The following ABI1 variants were observed in gnomAD, a reference collection of about 807,000 sequenced individuals.
The protein encoded by ABI1 is Abelson interactor 1.
A neutral mutation model predicts 54.6 loss-of-function variants in ABI1; 14 were observed. That is an observed-to-expected ratio of 0.26 (90% confidence interval 0.17 to 0.40). The LOEUF (loss-of-function observed/expected upper bound fraction) is 0.40, where lower values mean the gene tolerates loss of function less well. Ranked by LOEUF, ABI1 falls within the 10% of genes least tolerant of loss-of-function variation. The pLI is 1.00. For synonymous variants in ABI1, 194 were observed against 209.3 expected, an observed-to-expected ratio of 0.93 and a Z score of 0.63; for missense variants, 443 against 598.3, an observed-to-expected ratio of 0.74 and a Z score of 2.71.
At chr10:26,801,577 C>A (rs1430033623) in intron 2 of ABI1, among the ~76,000 whole-genome samples, 1 of 151,926 alleles carries the variant, frequency 6.6e-6, no homozygotes, top group Non-Finnish European at 1.5e-5. Context: ...AAAATACACA[C>A]TACAGTATTT....
chr10:26,790,867 G>C (rs774403931), intron 2 of ABI1, among the ~76,000 whole-genome samples: 2 of 151,914 alleles, frequency 1.3e-5, no homozygotes, highest in Admixed American at 1.3e-4. Context: ...CCAGGAATTC[G>C]AGACTAGCCT....
intron 1 of ABI1, among the ~76,000 whole-genome samples, chr10:26,848,993 A>G (rs1173913421): frequency 6.6e-6 from 1 of 152,202 alleles, no homozygotes; most frequent in Non-Finnish European, 1.5e-5. Context: ...ATAGTAGTAT[A>G]CAATGATATT....
intron 7 of ABI1, among the ~76,000 whole-genome samples, chr10:26,764,421 A>G (rs1001599482): frequency 1.1e-4 from 17 of 152,204 alleles, no homozygotes; most frequent in African/African-American, 3.9e-4. Context: ...AATATCATAG[A>G]TAAATGTAGT....
At chr10:26,755,839 A>G in intron 8 of ABI1, 98 bp from the exon 9 acceptor site, 1 of 758,334 alleles carries the variant, frequency 1.3e-6, no homozygotes, top group Middle Eastern at 3.1e-4. Flanking sequence ...CCACAAACAT[A>G]AGTATGCAAA....
intron 5 of ABI1, among the ~76,000 whole-genome samples, chr10:26,769,241 T>C (rs1840355281): frequency 6.6e-6 from 1 of 152,180 alleles, no homozygotes; most frequent in Non-Finnish European, 1.5e-5. Context: ...CCTAACCTTA[T>C]TTCTAAAAAT....
intron 1 of ABI1, among the ~76,000 whole-genome samples, chr10:26,824,622 G>A (rs1442099771): frequency 6.6e-6 from 1 of 151,400 alleles, no homozygotes; most frequent in Non-Finnish European, 1.5e-5. Flanking sequence ...AAAAAAAAAT[G>A]TGGGAAAAAA....
intron 1 of ABI1, among the ~76,000 whole-genome samples, chr10:26,826,269 T>A (rs1213026542): frequency 6.6e-6 from 1 of 152,210 alleles, no homozygotes; most frequent in Non-Finnish European, 1.5e-5. Context: ...TCCTTATACA[T>A]CACCATCTTA....
chr10:26,845,455 C>T (rs914535966), intron 1 of ABI1, among the ~76,000 whole-genome samples: 1 of 151,946 alleles, frequency 6.6e-6, no homozygotes, highest in Non-Finnish European at 1.5e-5. Flanking sequence ...CCAGCCTGAC[C>T]AATATGATGA....
intron 9 of ABI1, among the ~76,000 whole-genome samples, chr10:26,752,545 T>G (rs1837769733): frequency 6.6e-6 from 1 of 152,220 alleles, no homozygotes; most frequent in African/African-American, 2.4e-5. Flanking sequence ...TCCTAAAGAT[T>G]CGATTTTCTA....
At chr10:26,789,735 T>C (rs978330001) in intron 2 of ABI1, among the ~76,000 whole-genome samples, 1 of 152,206 alleles carries the variant, frequency 6.6e-6, no homozygotes, top group African/African-American at 2.4e-5. Context: ...CCCCAGGTAT[T>C]AAGCCTAGTA....
chr10:26,823,358 T>A, intron 1 of ABI1, 53 bp from the exon 2 acceptor site: 1 of 1,318,758 alleles, frequency 7.6e-7, no homozygotes, highest in Admixed American at 3.0e-5. Context: ...ATTCATTAAA[T>A]ATATATTCTA....
rs1169300593 is a variant in ABI1, at chr10:26,746,864, A to C, written c.*1706T>G. ...ATGTGAAGTCTGCATTGAAGTCCAC[A>C]TGAGTTATATTTTAACAGTATCCAA... On this transcript the variant is annotated 3_prime_UTR_variant, in exon 11 of 11. Coordinates refer to ENST00000376140, the MANE Select transcript of ABI1 (RefSeq NM_001012750.3). 1 of 337,512 alleles carries C rather than the reference A, an allele frequency of 3.0e-6. No individual in the cohort carries two copies. The highest frequency in any genetic ancestry group is 2.1e-5 in the African/African-American group (1 of 47,600). 20.9% of individuals were successfully genotyped at this position (337,512 alleles called of 1,614,324 possible).
rs142016926 is a variant in ABI1 at position 26,824,891 on chromosome 10, T to C, written c.118-1586A>G. Among the ~76,000 whole-genome samples, 221 of 152,372 alleles carry C rather than the reference T, an allele frequency of 1.5e-3. 1 individual carries two copies. The highest frequency in any genetic ancestry group is 0.012 in the South Asian group (57 of 4,830). The stretch of plus-strand genomic sequence containing the variant: ...AGTGTATATATAAAAGTTATGTTTA[T>C]ATTATGCTGTAGTCTATTAAATGTG... On this transcript the variant is annotated intron_variant, in intron 1 of 10. Transcript: ENST00000376140.
chr10:26,839,520 A>G lies in ABI1; in HGVS notation c.118-16215T>C, dbSNP rs1327336646. Reference sequence around the variant, plus strand: ...CAAAAACAAAAATAAGGGGAAAAAAAGGTAACTTTACTAGGAAATTACTTA... The same window carrying G: ...CAAAAACAAAAATAAGGGGAAAAAAGGGTAACTTTACTAGGAAATTACTTA... On this transcript the variant is annotated intron_variant, in intron 1 of 10. Transcript: ENST00000376140. Among the ~76,000 whole-genome samples, 8 of 152,226 alleles carry G rather than the reference A, an allele frequency of 5.3e-5. No homozygotes were observed. The South Asian group carries it at 1.2e-3, about 24-fold the overall frequency.
At chr10:26,760,912 AAAAAG>A (rs1839054273) in intron 7 of ABI1, among the ~76,000 whole-genome samples, 4 of 150,660 alleles carry the variant, frequency 2.7e-5, no homozygotes, top group Admixed American at 2.6e-4. Context: ...AAAAAAAAAA[AAAAAG>A]AGTAAGCCTT....
intron 1 of ABI1, among the ~76,000 whole-genome samples, 159 bp from the exon 2 acceptor site, chr10:26,823,464 C>G (rs1393104572): frequency 6.6e-6 from 1 of 152,084 alleles, no homozygotes; most frequent in Non-Finnish European, 1.5e-5. Context: ...TGAATTAAGC[C>G]ATGGCAGAAA....
At chr10:26,841,992 C>T (rs1019491030) in intron 1 of ABI1, among the ~76,000 whole-genome samples, 1 of 152,220 alleles carries the variant, frequency 6.6e-6, no homozygotes, top group Admixed American at 6.5e-5. Context: ...TTTTTCATTT[C>T]TTTAGCAACC....
At chr10:26,820,656 C>T (rs1190684654) in intron 2 of ABI1, among the ~76,000 whole-genome samples, 3 of 150,242 alleles carry the variant, frequency 2.0e-5, no homozygotes, top group Non-Finnish European at 2.9e-5. Context: ...GGCGCGATCT[C>T]GGCTCACTGC....
chr10:26,765,354 C>T, intron 6 of ABI1, 36 bp from the exon 7 acceptor site: 1 of 1,453,464 alleles, frequency 6.9e-7, no homozygotes, highest in Non-Finnish European at 9.3e-7. Flanking sequence ...AAAACCAATT[C>T]TAGAGACATA....
Sources: gnomAD v4.1 joint callset for allele counts (sites outside exome capture counted in the v4.1 genomes callset) on GRCh38, gnomAD v4.1.1 for gene constraint, MANE v1.5 for transcripts, NCBI Gene and HGNC (gene_info 2026-07-23, HGNC 2026-07-21) for gene names.